The following P4HB variants were observed in gnomAD, a reference collection of about 807,000 sequenced individuals.
The protein encoded by P4HB is prolyl 4-hydroxylase subunit beta, also known as protein disulfide-isomerase.
In P4HB, 20 loss-of-function variants were observed where a neutral mutation model predicts 52.6. That is an observed-to-expected ratio of 0.38 (90% CI 0.27 to 0.55). P4HB has a LOEUF of 0.55. P4HB is among the 20% of genes least tolerant of loss of function. P4HB has a pLI of 0.74. For missense variants in P4HB, 601 were observed against 669.2 expected (o/e 0.90, Z 1.12); for synonymous variants, 296 against 277.9 (o/e 1.07, Z -0.65).
rs1457820752 is a variant in P4HB, at chr17:81,843,196, T to TC, written c.*815dup. On this transcript the variant is annotated 3_prime_UTR_variant, in exon 11 of 11. Coordinates refer to ENST00000331483, the MANE Select transcript of P4HB (RefSeq NM_000918.4). ...TTTCAACTTTATTTGGCCAATGTGT[T>TC]CAATTCGATTGTGAAATAGAAATGC... The TC allele has an allele frequency of 2.4e-5, 7 of 287,976 alleles. No individual in the cohort carries two copies. Among genetic ancestry groups the TC allele is most frequent in the Non-Finnish European group, 4.5e-5 (7 of 156,396 alleles). 17.8% of individuals were successfully genotyped at this position (287,976 alleles called of 1,614,324 possible).
chr17:81,850,089 A>C (rs138533919), intron 4 of P4HB, among the ~76,000 whole-genome samples: 5 of 150,938 alleles, frequency 3.3e-5, no homozygotes, highest in Admixed American at 1.3e-4. Context: ...CGGCCTCCTA[A>C]AGTGCTGGGA....
intron 4 of P4HB, among the ~76,000 whole-genome samples, chr17:81,848,055 C>G (rs1394021047): frequency 6.6e-6 from 1 of 152,132 alleles, no homozygotes; most frequent in East Asian, 1.9e-4. Flanking sequence ...TAGGCGCCCG[C>G]CACCACCGGC....
At chr17:81,858,573 G>T (rs947997054) in intron 2 of P4HB, among the ~76,000 whole-genome samples, 15 of 152,162 alleles carry the variant, frequency 9.9e-5, no homozygotes, top group Admixed American at 9.8e-4. Context: ...GGCTACACAG[G>T]GGCTCGGCCT....
chr17:81,846,892 A>G lies in P4HB; in HGVS notation c.855+55T>C, dbSNP rs2038743792. ...AGGCCCCACACTTGTCACCTCGGGAAGAGTTGTACTGCTCCCTGGCACCGC... is the reference window on the plus strand; with the variant it reads ...AGGCCCCACACTTGTCACCTCGGGAGGAGTTGTACTGCTCCCTGGCACCGC... On this transcript the variant is annotated intron_variant, in intron 6 of 10. Coordinates refer to ENST00000331483, the MANE Select transcript of P4HB (RefSeq NM_000918.4). This position sits in a 1 kb window ranked among gnomAD's most constrained non-coding sequence, Gnocchi z 5.7. The G allele has an allele frequency of 6.2e-7, 1 of 1,605,354 alleles. No individual in the cohort carries two copies. Among genetic ancestry groups the G allele is most frequent in the South Asian group, 1.1e-5 (1 of 90,686 alleles).
chr17:81,845,288 C>CATTG, intron 9 of P4HB, 58 bp from the exon 10 acceptor site: 1 of 1,368,848 alleles, frequency 7.3e-7, no homozygotes, highest in African/African-American at 1.4e-5. Context: ...AATCTCCTGG[C>CATTG]ATTGGCTCCT....
rs1277631281 is a variant in P4HB, at chr17:81,846,454, T to C, written c.1031A>G (p.His344Arg). 1 of 1,613,544 alleles carries C rather than the reference T, an allele frequency of 6.2e-7. No individual in the cohort carries two copies. The highest frequency in any genetic ancestry group is 1.1e-5 in the South Asian group (1 of 91,084). Reference protein sequence around the residue: ...LTAERITEFCHRFLEGKIKPH... With the variant: ...LTAERITEFCRRFLEGKIKPH... Reference sequence around the variant, plus strand: ...CTTGATTTTGCCCTCCAGGAAGCGGTGGCAGAACTCTGTGATCCTCTCTGC... The same window carrying C: ...CTTGATTTTGCCCTCCAGGAAGCGGCGGCAGAACTCTGTGATCCTCTCTGC... Residue 344 changes from histidine (H) to arginine (R), a missense_variant, in exon 7 of 11, where the codon CAC becomes CGC. His to Arg is a conservative substitution (Grantham distance 29, BLOSUM62 0). Coordinates refer to ENST00000331483, the MANE Select transcript of P4HB (RefSeq NM_000918.4). This position sits in a 1 kb window ranked among gnomAD's most constrained non-coding sequence, Gnocchi z 5.7.
intron 4 of P4HB, among the ~76,000 whole-genome samples, chr17:81,851,920 C>T (rs1018122816): frequency 1.3e-4 from 20 of 152,342 alleles, no homozygotes; most frequent in African/African-American, 4.8e-4. Context: ...GTATGGCTCA[C>T]GCCTGTAACC....
At chr17:81,845,453 C>T in intron 9 of P4HB, 108 bp downstream of exon 9, 2 of 1,143,332 alleles carry the variant, frequency 1.7e-6, no homozygotes, top group Non-Finnish European at 1.2e-6. Context: ...CACAGCTCTT[C>T]TCCCACCTGA....
chr17:81,858,231 C>A (rs1244221439), intron 2 of P4HB, among the ~76,000 whole-genome samples: 1 of 121,886 alleles, frequency 8.2e-6, no homozygotes, highest in Non-Finnish European at 1.6e-5. Flanking sequence ...GAGATCGCAC[C>A]ACTGCACGAC....
In P4HB at chr17:81,846,749, G is replaced by A. The variant is rs1015976308; in HGVS notation, c.856-120C>T. The A allele has an allele frequency of 4.0e-6, 5 of 1,253,068 alleles. No individual in the cohort carries two copies. Among genetic ancestry groups the A allele is most frequent in the Admixed American group, 1.9e-5 (1 of 52,890 alleles). The allele number at this position is 1,253,068 out of a possible 1,614,324, so 77.6% of individuals were successfully genotyped here. A position where few individuals can be genotyped will look rare whatever the true frequency, so the allele number is the denominator to read the frequency against. On this transcript the variant is annotated intron_variant, in intron 6 of 10. Coordinates refer to ENST00000331483, the MANE Select transcript of P4HB (RefSeq NM_000918.4). The surrounding 1 kb of genome is among the most constrained non-coding windows in gnomAD (Gnocchi z 5.7). ...TTTTTCCTCCAACCTGGATTCCGGGGTTGCCCAACCAGACCAGCAGGTGAC... is the reference window on the plus strand; with the variant it reads ...TTTTTCCTCCAACCTGGATTCCGGGATTGCCCAACCAGACCAGCAGGTGAC...
At chr17:81,857,990 G>C (rs777940650) in intron 2 of P4HB, among the ~76,000 whole-genome samples, 2 of 152,100 alleles carry the variant, frequency 1.3e-5, no homozygotes, top group Non-Finnish European at 2.9e-5. Context: ...GTGAACATGA[G>C]TAAAAAATGA....
chr17:81,856,671 G>A (rs1598271218), intron 2 of P4HB, among the ~76,000 whole-genome samples: 1 of 140,768 alleles, frequency 7.1e-6, no homozygotes, highest in African/African-American at 2.6e-5. Flanking sequence ...TTTTTGAGAC[G>A]GAATCTACCT....
intron 4 of P4HB, 139 bp from the exon 5 acceptor site, chr17:81,847,486 T>TG: frequency 1.4e-6 from 1 of 717,864 alleles, no homozygotes. Context: ...GGTCCAGCAA[T>TG]GGGTACAGGA....
chr17:81,858,628 C>T lies in P4HB; in HGVS notation c.352+553G>A, dbSNP rs958717796. Among the ~76,000 whole-genome samples, 6 of 152,298 alleles carry T rather than the reference C, an allele frequency of 3.9e-5. No individual in the cohort carries two copies. The East Asian group carries it at 5.8e-4, about 15-fold the overall frequency. On this transcript the variant is annotated intron_variant, in intron 2 of 10. Coordinates refer to ENST00000331483, the MANE Select transcript of P4HB (RefSeq NM_000918.4). Reference sequence around the variant, plus strand: ...GGCGGCAGACGAGCAGCTGAGGGCCCGTGCTACAGACGGAGCAGGGCGGGC... The same window carrying T: ...GGCGGCAGACGAGCAGCTGAGGGCCTGTGCTACAGACGGAGCAGGGCGGGC...
chr17:81,860,491 G>A lies in P4HB; in HGVS notation c.-20C>T, dbSNP rs751962567. 8.0e-7 allele frequency: 1 copy of A among 1,253,702 alleles called. No individual in the cohort carries two copies. The highest frequency in any genetic ancestry group is 4.2e-5 in the Admixed American group (1 of 23,740). 77.7% of individuals were successfully genotyped at this position (1,253,702 alleles called of 1,614,324 possible). ...CAGCATGTCGGACACGGATCAGGCG[G>A]GGCGCTTCGGTTGGCGCCGCCGGGA... On this transcript the variant is annotated 5_prime_UTR_variant, in exon 1 of 11. Transcript: ENST00000331483.
At chr17:81,857,603 G>A (rs1037640701) in intron 2 of P4HB, among the ~76,000 whole-genome samples, 2 of 152,142 alleles carry the variant, frequency 1.3e-5, no homozygotes, top group African/African-American at 2.4e-5. Context: ...CTGACGCCCC[G>A]CCCACCTGAC....
Position 81,846,268 on chromosome 17 carries a change from A to G in P4HB, c.1056+161T>C, listed in dbSNP as rs2038734141. On this transcript the variant is annotated intron_variant, in intron 7 of 10. Coordinates refer to ENST00000331483, the MANE Select transcript of P4HB (RefSeq NM_000918.4). This position sits in a 1 kb window ranked among gnomAD's most constrained non-coding sequence, Gnocchi z 5.7. ...GACAAGAGGGCTCCTACAGGTCCCC[A>G]AAGGTGTGACAAGAATGGTGGTCTT... 1.3e-6 allele frequency: 1 copy of G among 742,718 alleles called. No homozygotes were observed. The highest frequency in any genetic ancestry group is 2.6e-5 in the Admixed American group (1 of 39,190). 46.0% of individuals were successfully genotyped at this position (742,718 alleles called of 1,614,324 possible). A position where few individuals can be genotyped will look rare whatever the true frequency, so the allele number is the denominator to read the frequency against.
chr17:81,859,098 G>A (rs1567842703), intron 2 of P4HB, 83 bp downstream of exon 2: 6 of 1,316,706 alleles, frequency 4.6e-6, no homozygotes, highest in Middle Eastern at 1.9e-4. Flanking sequence ...CCTCCCCACC[G>A]CTCAGACAGC....
intron 2 of P4HB, among the ~76,000 whole-genome samples, chr17:81,856,378 C>T (rs1279698471): frequency 6.9e-6 from 1 of 145,058 alleles, no homozygotes; most frequent in Non-Finnish European, 1.5e-5. Flanking sequence ...GCTCTTGTTG[C>T]TCAGGCTGGA....
Sources: gnomAD v4.1 joint callset for allele counts (sites outside exome capture counted in the v4.1 genomes callset) on GRCh38, gnomAD v4.1.1 for gene constraint, Gnocchi (gnomAD v3.1) non-coding constraint, MANE v1.5 for transcripts, NCBI Gene and HGNC (gene_info 2026-07-23, HGNC 2026-07-21) for gene names.